RALGPS2: variants seen among roughly 807,000 people sequenced by gnomAD.
RALGPS2 encodes Ral GEF with PH domain and SH3 binding motif 2.
Under a neutral mutation model 86.8 loss-of-function variants are expected in RALGPS2, and 43 were observed. The ratio of observed to expected loss-of-function variants is 0.50; its 90% CI spans 0.39 to 0.64. The LOEUF is 0.64. Among genes scored for constraint, RALGPS2 ranks in the 30% least tolerant of loss-of-function variants. The probability of loss-of-function intolerance (pLI) is 0.00; values close to 1 mark genes in which losing one functional copy is unlikely to be tolerated. For synonymous variants in RALGPS2, 243 were observed against 231.3 expected (o/e 1.05, Z -0.46); for missense variants, 536 against 694.6 (o/e 0.77, Z 2.57).
chr1:178,747,148 A>C, intron 1 of RALGPS2: 6 of 1,009,042 alleles, frequency 5.9e-6, no homozygotes, highest in Non-Finnish European at 9.5e-6. Flanking sequence ...CCATCAAAAC[A>C]AGACAAGTGT....
chr1:178,899,566 C>CTT (rs1425116693), intron 17 of RALGPS2, among the ~76,000 whole-genome samples: 1 of 150,318 alleles, frequency 6.7e-6, no homozygotes, highest in Non-Finnish European at 1.5e-5. Context: ...TGTAAGCAAC[C>CTT]GAAAAAGGAT....
intron 8 of RALGPS2, among the ~76,000 whole-genome samples, chr1:178,867,031 T>C (rs1255954573): frequency 2.0e-5 from 3 of 152,142 alleles, no homozygotes; most frequent in Non-Finnish European, 4.4e-5. Flanking sequence ...CATACCTATC[T>C]GCCATTTTTG....
chr1:178,914,538 G>A (rs968935365), intron 19 of RALGPS2, among the ~76,000 whole-genome samples: 9 of 151,788 alleles, frequency 5.9e-5, no homozygotes, highest in African/African-American at 2.2e-4. Context: ...TCAGAAAATC[G>A]GTGATTTTCT....
chr1:178,890,613 T>C lies in RALGPS2; in HGVS notation c.1247+917T>C, dbSNP rs551073853. Among the ~76,000 whole-genome samples, 7 of 152,046 alleles carry C rather than the reference T, an allele frequency of 4.6e-5. No homozygotes were observed. In the East Asian group the frequency reaches 1.3e-3, roughly 29 times the overall value. On this transcript the variant is annotated intron_variant, in intron 14 of 19. Coordinates refer to ENST00000367635, the MANE Select transcript of RALGPS2 (RefSeq NM_152663.5). ...ATTTTAAATTAAATTTTATTTGAAA[T>C]CATAAATTTCATGCTGTTTAATTGG...
Position 178,742,301 on chromosome 1 carries a change from G to A in RALGPS2, c.-84+16882G>A, listed in dbSNP as rs368409848. ...CACCATGCTCGCAATAGTCAAAAGA[G>A]CATTATGTGGCTATATTAATATTGG... On this transcript the variant is annotated intron_variant, in intron 1 of 19. Coordinates refer to ENST00000367635, the MANE Select transcript of RALGPS2 (RefSeq NM_152663.5). Among the ~76,000 whole-genome samples, 57 of 152,166 alleles carry A rather than the reference G, an allele frequency of 3.7e-4. 2 individuals are homozygous for A. In the East Asian group the frequency reaches 5.4e-3, roughly 14 times the overall value.
At chr1:178,728,374 C>A (rs956490666) in intron 1 of RALGPS2, among the ~76,000 whole-genome samples, 1 of 137,776 alleles carries the variant, frequency 7.3e-6, no homozygotes, top group Admixed American at 7.3e-5. Flanking sequence ...GTGAGTTAAA[C>A]TTTAAACCCA....
At chr1:178,726,938 T>G (rs1650052707) in intron 1 of RALGPS2, among the ~76,000 whole-genome samples, 1 of 152,246 alleles carries the variant, frequency 6.6e-6, no homozygotes, top group African/African-American at 2.4e-5. Context: ...AGTGTATTAC[T>G]CTTACGGCTA....
intron 13 of RALGPS2, among the ~76,000 whole-genome samples, chr1:178,887,806 T>C (rs1210612480): frequency 6.6e-6 from 1 of 152,216 alleles, no homozygotes; most frequent in Non-Finnish European, 1.5e-5. Context: ...GAAATACCTC[T>C]TATCAATGTT....
At chr1:178,871,688 G>T (rs1024842799) in intron 8 of RALGPS2, among the ~76,000 whole-genome samples, 1 of 152,026 alleles carries the variant, frequency 6.6e-6, no homozygotes, top group Admixed American at 6.6e-5. Context: ...TTACATTCTG[G>T]TGTTACATAA....
At chr1:178,899,646 GGTTTTGGT>G (rs1174704016) in intron 17 of RALGPS2, among the ~76,000 whole-genome samples, 5 of 130,080 alleles carry the variant, frequency 3.8e-5, no homozygotes, top group African/African-American at 2.2e-4. Context: ...TTTTGGTTTT[GGTTTTGGT>G]TTTTTTTTTT....
intron 8 of RALGPS2, chr1:178,851,290 C>G (rs752543001): frequency 6.2e-7 from 1 of 1,610,914 alleles, no homozygotes; most frequent in Non-Finnish European, 8.5e-7. Flanking sequence ...TACCACCAGC[C>G]TCCTTTATGA....
In RALGPS2 at chr1:178,902,083, C is replaced by G. The variant is rs757762390; in HGVS notation, c.1525-23C>G. ...ATAAACCATAAATTTTCTGTTTCCG[C>G]TAATTATCTTTTTTTCTCTCAGTTC... On this transcript the variant is annotated intron_variant, in intron 17 of 19. Transcript: ENST00000367635. The G allele has an allele frequency of 1.9e-5, 30 of 1,566,982 alleles. No homozygotes were observed. The Admixed American group carries it at 5.0e-4, about 26-fold the overall frequency.
intron 8 of RALGPS2, among the ~76,000 whole-genome samples, chr1:178,874,643 G>T (rs530897209): frequency 6.6e-6 from 1 of 152,108 alleles, no homozygotes; most frequent in Non-Finnish European, 1.5e-5. Context: ...ATCTTCTATT[G>T]CTGTTATTGA....
intron 1 of RALGPS2, among the ~76,000 whole-genome samples, chr1:178,726,721 G>C (rs1032379868): frequency 2.0e-5 from 3 of 151,984 alleles, no homozygotes; most frequent in Non-Finnish European, 2.9e-5. Context: ...AGTTGACTTG[G>C]GTATTTTTCT....
intron 8 of RALGPS2, among the ~76,000 whole-genome samples, chr1:178,859,464 C>A (rs577168667): frequency 3.7e-5 from 5 of 133,902 alleles, no homozygotes; most frequent in Non-Finnish European, 7.7e-5. Flanking sequence ...AGTGCAGTGT[C>A]ACGATCTCGG....
chr1:178,771,842 A>G (rs1347359271), intron 1 of RALGPS2, among the ~76,000 whole-genome samples: 2 of 152,198 alleles, frequency 1.3e-5, no homozygotes, highest in Non-Finnish European at 2.9e-5. Context: ...TATATTATAA[A>G]TATTTTTTTC....
rs756825752 is a variant in RALGPS2, at chr1:178,916,404, C to T, written c.*45C>T. The T allele has an allele frequency of 6.5e-7, 1 of 1,543,058 alleles. No homozygotes were observed. The highest frequency in any genetic ancestry group is 1.4e-5 in the African/African-American group (1 of 72,926). On this transcript the variant is annotated 3_prime_UTR_variant, in exon 20 of 20. Transcript: ENST00000367635. Reference sequence around the variant, plus strand: ...AGGTGAACTGTTGCTTCTACGTGAGCATGAGGACCTGATAAAAGAGCGCCA... The same window carrying T: ...AGGTGAACTGTTGCTTCTACGTGAGTATGAGGACCTGATAAAAGAGCGCCA...
intron 1 of RALGPS2, among the ~76,000 whole-genome samples, chr1:178,775,244 A>G (rs1455740048): frequency 6.6e-6 from 1 of 152,134 alleles, no homozygotes; most frequent in Non-Finnish European, 1.5e-5. Flanking sequence ...CTGAGTACAG[A>G]AAAGTTAAAA....
At chr1:178,909,580 C>G (rs1403047310) in intron 19 of RALGPS2, among the ~76,000 whole-genome samples, 1 of 150,850 alleles carries the variant, frequency 6.6e-6, no homozygotes, top group African/African-American at 2.4e-5. Flanking sequence ...GAATGCTTTT[C>G]CATTTGTTTG....
Sources: allele counts gnomAD v4.1 joint callset (sites outside exome capture counted in the v4.1 genomes callset), GRCh38; gene constraint gnomAD v4.1.1; transcripts MANE v1.5; gene names NCBI Gene and HGNC (gene_info 2026-07-23, HGNC 2026-07-21).